The following TARS3 variants were observed in gnomAD, a reference collection of about 807,000 sequenced individuals.
TARS3 encodes threonine--tRNA ligase 2, cytoplasmic.
A neutral mutation model predicts 103.5 loss-of-function variants in TARS3; 94 were observed. That is an observed-to-expected ratio of 0.91 (90% CI 0.77 to 1.08). The LOEUF is 1.08. TARS3 is among the 50% of genes least tolerant of loss of function. The probability of loss-of-function intolerance (pLI) is 0.00; values close to 1 mark genes in which losing one functional copy is unlikely to be tolerated. For missense variants in TARS3, 952 were observed against 995.2 expected (o/e 0.96, Z 0.58); for synonymous variants, 416 against 355.4 (o/e 1.17, Z -1.92).
chr15:101,724,361 C>A lies in TARS3; in HGVS notation c.27G>T (p.Glu9Asp). MAAEALAA[E>D]AVASRLERQE... ...GCCGCTCCAGGCGCGACGCCACGGCCTCCGCCGCCAGGGCCTCGGCCGCCA... is the reference window on the plus strand; with the variant it reads ...GCCGCTCCAGGCGCGACGCCACGGCATCCGCCGCCAGGGCCTCGGCCGCCA... The change falls in exon 1 of 19, where the codon GAG becomes GAT. Residue 9 changes from glutamate to aspartate, a missense_variant. Physicochemically the swap from Glu to Asp is conservative, Grantham distance 45. Around this residue, in one of 2 missense-constraint regions of TARS3, gnomAD observed 412 missense variants for 364.2 expected, o/e 1.13. Coordinates refer to ENST00000335968, the MANE Select transcript of TARS3 (RefSeq NM_152334.3). The A allele has an allele frequency of 6.5e-7, 1 of 1,539,382 alleles. No individual in the cohort carries two copies. The highest frequency in any genetic ancestry group is 8.7e-7 in the Non-Finnish European group (1 of 1,149,420).
chr15:101,720,475 T>C (rs968232279), intron 3 of TARS3, among the ~76,000 whole-genome samples: 5 of 152,220 alleles, frequency 3.3e-5, no homozygotes, highest in Admixed American at 6.5e-5. Flanking sequence ...TGGAAATTAC[T>C]TGATTGACGA....
intron 11 of TARS3, 74 bp from the exon 12 acceptor site, chr15:101,684,311 T>C: frequency 7.4e-7 from 1 of 1,356,704 alleles, no homozygotes; most frequent in Non-Finnish European, 9.8e-7. Flanking sequence ...TATAAAGAAA[T>C]TACAATTAAG....
At chr15:101,714,675 T>C (rs896537861) in intron 4 of TARS3, 165 bp downstream of exon 4, 1 of 436,020 alleles carries the variant, frequency 2.3e-6, no homozygotes, top group Non-Finnish European at 3.8e-6. Flanking sequence ...CATGTATTTG[T>C]ATACATTCAT....
Position 101,701,083 on chromosome 15 carries a change from T to C in TARS3, c.1320+3A>G. 1.3e-6 allele frequency: 2 copies of C among 1,513,192 alleles called. No individual in the cohort carries two copies. Among genetic ancestry groups the C allele is most frequent in the Non-Finnish European group, 1.8e-6 (2 of 1,125,052 alleles). The allele number at this position is 1,513,192 out of a possible 1,614,324, so 93.7% of individuals were successfully genotyped here. ...AGAATAAAACATTTTAAAGTTAACT[T>C]ACTCGTATGAAATCTGTAAGCGTAT... On this transcript the variant is annotated splice_donor_region_variant and intron_variant, in intron 10 of 18. Transcript: ENST00000335968.
At chr15:101,686,299 T>C (rs1898472717) in intron 10 of TARS3, among the ~76,000 whole-genome samples, 1 of 136,316 alleles carries the variant, frequency 7.3e-6, no homozygotes, top group Non-Finnish European at 1.7e-5. Context: ...ATATAGTATA[T>C]AATGTTTTAG....
chr15:101,703,749 A>T, intron 8 of TARS3, 110 bp downstream of exon 8: 1 of 672,206 alleles, frequency 1.5e-6, no homozygotes, highest in Middle Eastern at 4.0e-4. Context: ...ATATTTTAAA[A>T]TATCATGATG....
chr15:101,714,758 G>A, intron 4 of TARS3, 82 bp downstream of exon 4: 1 of 1,297,542 alleles, frequency 7.7e-7, no homozygotes, highest in Non-Finnish European at 1.0e-6. Context: ...CAACATTCGT[G>A]ACTTCAATAT....
chr15:101,694,590 A>C (rs1596310453), intron 10 of TARS3, among the ~76,000 whole-genome samples: 1 of 152,238 alleles, frequency 6.6e-6, no homozygotes, highest in Non-Finnish European at 1.5e-5. Context: ...GGAAGAGGGC[A>C]GAGAGGAAAA....
At position 101,711,896 on chromosome 15, in the gene TARS3, T is replaced by C. The variant is rs201514826; in HGVS notation, c.796A>G (p.Met266Val). The C allele has an allele frequency of 7.4e-6, 12 of 1,613,796 alleles. No homozygotes were observed. Among genetic ancestry groups the C allele is most frequent in the Non-Finnish European group, 1.0e-5 (12 of 1,179,856 alleles). ...GTGTGTTACCTGTCTTCAATGAACATGTCATAATAAAATCCATTTTCAATG... is the reference window on the plus strand; with the variant it reads ...GTGTGTTACCTGTCTTCAATGAACACGTCATAATAAAATCCATTTTCAATG... ...PPIENGFYYD[M>V]FIEDRAVSST... is the part of the protein sequence containing the mutation. Residue 266 changes from methionine (M) to valine (V), a missense_variant, in exon 5 of 19, where the codon ATG becomes GTG. Physicochemically the swap from Met to Val is conservative, Grantham distance 21. Around this residue, in one of 2 missense-constraint regions of TARS3, gnomAD observed 412 missense variants for 364.2 expected, o/e 1.13. Transcript: ENST00000335968.
chr15:101,711,908 AT>A lies in TARS3; in HGVS notation c.783del (p.Tyr263IlefsTer27), dbSNP rs1274170043. ...TCTTCAATGAACATGTCATAATAAAATCCATTTTCAATGGGCGGACCGTAGC... is the reference window on the plus strand; with the variant it reads ...TCTTCAATGAACATGTCATAATAAAACCATTTTCAATGGGCGGACCGTAGC... ...HLCYGPPIEN[G>X]FYYDMFIEDR... On this transcript the variant is annotated frameshift_variant, in exon 5 of 19. Coordinates refer to ENST00000335968, the MANE Select transcript of TARS3 (RefSeq NM_152334.3). LOFTEE classifies it high-confidence loss of function. 6.2e-7 allele frequency: 1 copy of A among 1,613,834 alleles called. No homozygotes were observed. The highest frequency in any genetic ancestry group is 8.5e-7 in the Non-Finnish European group (1 of 1,179,850).
chr15:101,661,748 A>G lies in TARS3; in HGVS notation c.2036T>C (p.Met679Thr), dbSNP rs1897386749. The G allele has an allele frequency of 3.7e-6, 6 of 1,607,616 alleles. No individual in the cohort carries two copies. The African/African-American group carries it at 5.3e-5, about 14-fold the overall frequency. Residue 679 changes from methionine (M) to threonine (T), a missense_variant, in exon 16 of 19, where the codon ATG becomes ACG. This residue lies in a region of TARS3 where 540 missense variants were observed against 631.0 expected (regional missense o/e 0.86). Coordinates refer to ENST00000335968, the MANE Select transcript of TARS3 (RefSeq NM_152334.3). Reference sequence around the variant, plus strand: ...ATAGTTTTCTGAAAGAATGGCTATCATTCTTTCCACTGATCCCAAAATGGC... The same window carrying G: ...ATAGTTTTCTGAAAGAATGGCTATCGTTCTTTCCACTGATCCCAAAATGGC... The part of the protein sequence containing the change: ...HRAILGSVER[M>T]IAILSENYGG...
intron 7 of TARS3, among the ~76,000 whole-genome samples, chr15:101,704,392 C>T (rs1464625616): frequency 6.6e-6 from 1 of 152,118 alleles, no homozygotes; most frequent in East Asian, 1.9e-4. Flanking sequence ...TGGTGGCTCA[C>T]ACCTGTAATC....
At chr15:101,721,365 A>T (rs1241071595) in intron 2 of TARS3, 43 bp from the exon 3 acceptor site, 1 of 1,493,532 alleles carries the variant, frequency 6.7e-7, no homozygotes, top group South Asian at 1.2e-5. Context: ...TATACAGCCT[A>T]CTGTTTTCCA....
intron 15 of TARS3, chr15:101,664,137 T>C (rs1466976053): frequency 6.6e-6 from 1 of 152,390 alleles, no homozygotes; most frequent in Non-Finnish European, 1.5e-5. Flanking sequence ...TTCATCTCTA[T>C]GCCACCTGGC....
At chr15:101,709,664 G>GGC (rs1338397871) in intron 5 of TARS3, among the ~76,000 whole-genome samples, 2 of 152,192 alleles carry the variant, frequency 1.3e-5, no homozygotes, top group Admixed American at 6.5e-5. Context: ...ATGGCTGCTT[G>GGC]TGCATTTGCT....
chr15:101,667,533 C>T (rs1897627621), intron 15 of TARS3, among the ~76,000 whole-genome samples: 1 of 151,746 alleles, frequency 6.6e-6, no homozygotes, highest in Non-Finnish European at 1.5e-5. Flanking sequence ...GCTTGTACGT[C>T]AGCACTTGTT....
chr15:101,706,024 C>T (rs1899541649), intron 6 of TARS3, among the ~76,000 whole-genome samples: 1 of 152,174 alleles, frequency 6.6e-6, no homozygotes, highest in Admixed American at 6.5e-5. Context: ...GGTGCAGTGC[C>T]ACCATCTTGG....
intron 10 of TARS3, chr15:101,699,419 C>A (rs748151280): frequency 2.2e-6 from 1 of 455,888 alleles, no homozygotes; most frequent in Non-Finnish European, 4.4e-6. Context: ...TGTTCATCAG[C>A]CACATCTGTC....
intron 15 of TARS3, among the ~76,000 whole-genome samples, chr15:101,667,577 CT>C (rs148005966): frequency 4.7e-5 from 7 of 148,092 alleles, no homozygotes; most frequent in Admixed American, 6.7e-5. Flanking sequence ...ATGGAGATGG[CT>C]TTTTTTTTTG....
Sources: gnomAD v4.1 joint callset for allele counts (sites outside exome capture counted in the v4.1 genomes callset) on GRCh38, gnomAD v4.1.1 for gene constraint, gnomAD v4.1.1 regional missense constraint, MANE v1.5 for transcripts, NCBI Gene and HGNC (gene_info 2026-07-23, HGNC 2026-07-21) for gene names.